Variants in NRG2 observed in about 807,000 individuals in gnomAD.
NRG2 encodes the protein neuregulin 2.
Under a neutral mutation model 73.9 loss-of-function variants are expected in NRG2, and 27 were observed. That is an observed-to-expected ratio of 0.37 (90% CI 0.27 to 0.50). NRG2 has a LOEUF of 0.50. NRG2 is among the 20% of genes least tolerant of loss of function. NRG2 has a pLI of 0.96. For synonymous variants in NRG2, 532 were observed against 541.0 expected (o/e 0.98, Z 0.23); for missense variants, 1,126 against 1,210.1 (o/e 0.93, Z 1.03).
At chr5:139,987,138 G>T (rs1056918264) in intron 1 of NRG2, among the ~76,000 whole-genome samples, 1 of 151,808 alleles carries the variant, frequency 6.6e-6, no homozygotes, top group East Asian at 1.9e-4. Flanking sequence ...TTGGGAGGCC[G>T]AGGCGGGCAG....
At chr5:139,934,829 G>A (rs1434680416) in intron 1 of NRG2, among the ~76,000 whole-genome samples, 1 of 152,176 alleles carries the variant, frequency 6.6e-6, no homozygotes, top group Non-Finnish European at 1.5e-5. Context: ...GGGATAAGGT[G>A]GGTCATTTTA....
At chr5:139,917,637 T>C (rs913170518) in intron 1 of NRG2, among the ~76,000 whole-genome samples, 3 of 152,228 alleles carry the variant, frequency 2.0e-5, no homozygotes, top group African/African-American at 7.2e-5. Flanking sequence ...GTATGTCTTC[T>C]TTGGGGAAAT....
chr5:140,043,004 G>A lies in NRG2; in HGVS notation c.66C>T (p.Tyr22=), dbSNP rs1024832439. The change falls in exon 1 of 10, where the codon TAC becomes TAT. Residue 22 remains tyrosine (Y), a synonymous_variant. Coordinates refer to ENST00000361474, the MANE Select transcript of NRG2 (RefSeq NM_004883.3). The surrounding 1 kb of genome is among the most constrained non-coding windows in gnomAD (Gnocchi z 6.7). ...PPLEKGRCSS[Y]SDSSSSSSER... ...CGCTGCTGCTGCTGCTGCTGTCGCT[G>A]TAGCTGCTGCACCGACCCTTCTCCA... is the stretch of plus-strand genomic sequence containing the variant. 1 of 1,568,350 alleles carries A rather than the reference G, an allele frequency of 6.4e-7. No individual in the cohort carries two copies. The highest frequency in any genetic ancestry group is 8.6e-7 in the Non-Finnish European group (1 of 1,162,118).
At chr5:139,877,300 G>A (rs1187294706) in intron 3 of NRG2, among the ~76,000 whole-genome samples, 1 of 152,236 alleles carries the variant, frequency 6.6e-6, no homozygotes, top group African/African-American at 2.4e-5. Flanking sequence ...TCTAATTTGT[G>A]GAAGGAGCCC....
At chr5:140,006,795 C>T (rs1381038574) in intron 1 of NRG2, among the ~76,000 whole-genome samples, 2 of 152,122 alleles carry the variant, frequency 1.3e-5, no homozygotes, top group African/African-American at 2.4e-5. Context: ...TTCTTTTATA[C>T]TTCTCTGTTT....
intron 1 of NRG2, among the ~76,000 whole-genome samples, chr5:140,024,113 G>A (rs572730053): frequency 2.0e-5 from 3 of 152,248 alleles, no homozygotes; most frequent in African/African-American, 7.2e-5. Flanking sequence ...AGACTCCTGA[G>A]ACTACCCTAG....
At chr5:139,965,755 G>A (rs1755460364) in intron 1 of NRG2, among the ~76,000 whole-genome samples, 1 of 152,192 alleles carries the variant, frequency 6.6e-6, no homozygotes, top group Admixed American at 6.5e-5. Flanking sequence ...AAAAGGAAGA[G>A]CTGTCAGGAG....
At position 139,865,697 on chromosome 5, in the gene NRG2, G is replaced by A. The variant is rs953380232; in HGVS notation, c.1113-72C>T. 2.3e-6 allele frequency: 3 copies of A among 1,316,410 alleles called. No individual in the cohort carries two copies. Among genetic ancestry groups the A allele is most frequent in the Non-Finnish European group, 3.2e-6 (3 of 931,314 alleles). 81.5% of individuals were successfully genotyped at this position (1,316,410 alleles called of 1,614,324 possible). On this transcript the variant is annotated intron_variant, in intron 4 of 9. Coordinates refer to ENST00000361474, the MANE Select transcript of NRG2 (RefSeq NM_004883.3). The surrounding 1 kb of genome is among the most constrained non-coding windows in gnomAD (Gnocchi z 5.2). ...CGCGAGGCTAAGGTTAGAAATCAAAGTGCACAGTGATGAATGAGAAAAACC... is the reference window on the plus strand; with the variant it reads ...CGCGAGGCTAAGGTTAGAAATCAAAATGCACAGTGATGAATGAGAAAAACC...
intron 1 of NRG2, among the ~76,000 whole-genome samples, chr5:139,960,472 G>A (rs182646718): frequency 7.9e-5 from 12 of 152,276 alleles, no homozygotes; most frequent in Admixed American, 6.5e-4. Flanking sequence ...CCAAGGTTGC[G>A]CCACTGGACT....
At chr5:140,000,266 G>A (rs1213112447) in intron 1 of NRG2, among the ~76,000 whole-genome samples, 1 of 152,240 alleles carries the variant, frequency 6.6e-6, no homozygotes, top group Non-Finnish European at 1.5e-5. Context: ...TTCAGAGGAA[G>A]TGAAGCACAG....
chr5:139,989,961 T>TG (rs1279431140), intron 1 of NRG2, among the ~76,000 whole-genome samples: 4 of 151,138 alleles, frequency 2.6e-5, no homozygotes, highest in African/African-American at 7.3e-5. Context: ...GCTAATTTTT[T>TG]GTATTTTTAG....
chr5:139,992,620 C>A (rs1319328289), intron 1 of NRG2, among the ~76,000 whole-genome samples: 1 of 152,174 alleles, frequency 6.6e-6, no homozygotes, highest in Non-Finnish European at 1.5e-5. Context: ...CCCTTCATTT[C>A]ATTTATCATG....
At chr5:139,999,616 A>G in intron 1 of NRG2, among the ~76,000 whole-genome samples, 1 of 152,338 alleles carries the variant, frequency 6.6e-6, no homozygotes, top group East Asian at 1.9e-4. Context: ...TGATTATAGT[A>G]CAGCTTCAGT....
chr5:139,974,442 G>A (rs966496477), intron 1 of NRG2, among the ~76,000 whole-genome samples: 5 of 152,164 alleles, frequency 3.3e-5, no homozygotes, highest in Admixed American at 6.5e-5. Context: ...AGGGGAGAAG[G>A]CTGTGGTCTG....
In NRG2 at chr5:139,870,636, A is replaced by G. The variant is rs1475694550; in HGVS notation, c.1112+1085T>C. Among the ~76,000 whole-genome samples, 1 of 152,172 alleles carries G rather than the reference A, an allele frequency of 6.6e-6. No homozygotes were observed. The highest frequency in any genetic ancestry group is 2.4e-5 in the African/African-American group (1 of 41,436). On this transcript the variant is annotated intron_variant, in intron 4 of 9. Transcript: ENST00000361474. The surrounding 1 kb of genome is among the most constrained non-coding windows in gnomAD (Gnocchi z 4.4). ...TTTTGGTGGCCTTTGCCCAGATGCC[A>G]TGGGAATGGGGCAGCTTTAGCAACT...
intron 1 of NRG2, among the ~76,000 whole-genome samples, chr5:140,015,725 A>G (rs1251409508): frequency 1.3e-5 from 2 of 152,204 alleles, no homozygotes; most frequent in Non-Finnish European, 2.9e-5. Flanking sequence ...GGAGGAAGGG[A>G]TGCCTCACTC....
chr5:139,904,778 A>G lies in NRG2; in HGVS notation c.701-17267T>C, dbSNP rs1260594861. ...GAGATCCCCCAGCGAGGGCCAGGCT[A>G]AGGACAGCATGGGGGTGGGGAGACA... On this transcript the variant is annotated intron_variant, in intron 1 of 9. Transcript: ENST00000361474. This position sits in a 1 kb window ranked among gnomAD's most constrained non-coding sequence, Gnocchi z 6.0. 6.6e-6 allele frequency among the ~76,000 whole-genome samples: 1 copy of G among 152,130 alleles called. No individual in the cohort carries two copies. The highest frequency in any genetic ancestry group is 2.4e-5 in the African/African-American group (1 of 41,442).
Position 139,932,854 on chromosome 5 carries a change from C to T in NRG2, c.701-45343G>A, listed in dbSNP as rs766497969. On this transcript the variant is annotated intron_variant, in intron 1 of 9. Coordinates refer to ENST00000361474, the MANE Select transcript of NRG2 (RefSeq NM_004883.3). ...TAAACAGACATATTGGATGGTTAAA[C>T]CATAAATGAAAAAGGCTCAAATAAA... is the stretch of plus-strand genomic sequence containing the variant. 5.9e-5 allele frequency among the ~76,000 whole-genome samples: 9 copies of T among 151,432 alleles called. 1 individual carries two copies. Among genetic ancestry groups the T allele is most frequent in the African/African-American group, 9.7e-5 (4 of 41,176 alleles).
chr5:139,847,954 G>T lies in NRG2; in HGVS notation c.2516C>A (p.Pro839Gln). The T allele has an allele frequency of 6.6e-7, 1 of 1,507,496 alleles. No individual in the cohort carries two copies. The highest frequency in any genetic ancestry group is 2.7e-5 in the East Asian group (1 of 36,424). The allele number at this position is 1,507,496 out of a possible 1,614,324, so 93.4% of individuals were successfully genotyped here. A position where few individuals can be genotyped will look rare whatever the true frequency, so the allele number is the denominator to read the frequency against. ...CGAGTCCTGCTTGGCCCGCGGGGGC[G>T]GCCCGCGGCTGTGTCTGCTGCTGGC... Reference protein sequence around the residue: ...TRASSRHSRGPPPRAKQDSAP... With the variant: ...TRASSRHSRGQPPRAKQDSAP... Residue 839 changes from proline to glutamine, a missense_variant, in exon 10 of 10, where the codon CCG becomes CAG. Pro to Gln is a moderately conservative substitution (Grantham distance 76, BLOSUM62 -1). Around this residue, in one of 3 missense-constraint regions of NRG2, gnomAD observed 402 missense variants for 357.8 expected, o/e 1.12. Transcript: ENST00000361474.
Sources: allele counts gnomAD v4.1 joint callset (sites outside exome capture counted in the v4.1 genomes callset), GRCh38; gene constraint gnomAD v4.1.1; regional missense constraint gnomAD v4.1.1; non-coding constraint Gnocchi (gnomAD v3.1); transcripts MANE v1.5; gene names NCBI Gene and HGNC (gene_info 2026-07-23, HGNC 2026-07-21).